Variants in ARHGEF18 observed in about 807,000 individuals in gnomAD.
ARHGEF18 encodes the protein Rho/Rac guanine nucleotide exchange factor 18.
ARHGEF18 carries 93 observed loss-of-function variants against 155.7 expected under a neutral mutation model. The ratio of observed to expected loss-of-function variants is 0.60; its 90% confidence interval spans 0.50 to 0.71. The LOEUF (loss-of-function observed/expected upper bound fraction) is 0.71, where lower values mean the gene tolerates loss of function less well. Among genes scored for constraint, ARHGEF18 ranks in the 30% least tolerant of loss-of-function variants. The pLI is 0.00. For missense variants in ARHGEF18, 1,593 were observed against 1,816.1 expected, an observed-to-expected ratio of 0.88 and a Z score of 2.23; for synonymous variants, 742 against 753.1, an observed-to-expected ratio of 0.99 and a Z score of 0.24.
rs1339245659 is a variant in ARHGEF18, at chr19:7,470,929, G to A, written c.*631G>A. The A allele has an allele frequency of 2.5e-6, 1 of 400,880 alleles. No homozygotes were observed. The highest frequency in any genetic ancestry group is 4.4e-6 in the Non-Finnish European group (1 of 226,128). 24.8% of individuals were successfully genotyped at this position (400,880 alleles called of 1,614,324 possible). On this transcript the variant is annotated 3_prime_UTR_variant, in exon 29 of 29. Transcript: ENST00000668164. This position sits in a 1 kb window ranked among gnomAD's most constrained non-coding sequence, Gnocchi z 5.9. ...AGAGGGCCACGGGGCAGGGCCCACT[G>A]AGGGAACATCAGTGGCCCTCCAGTC...
Position 7,470,853 on chromosome 19 carries a change from C to A in ARHGEF18, c.*555C>A, listed in dbSNP as rs938471084. 6 of 401,252 alleles carry A rather than the reference C, an allele frequency of 1.5e-5. No homozygotes were observed. The highest frequency in any genetic ancestry group is 2.7e-5 in the Non-Finnish European group (6 of 226,266). 24.9% of individuals were successfully genotyped at this position (401,252 alleles called of 1,614,324 possible). A position where few individuals can be genotyped will look rare whatever the true frequency, so the allele number is the denominator to read the frequency against. On this transcript the variant is annotated 3_prime_UTR_variant, in exon 29 of 29. Transcript: ENST00000668164. This position sits in a 1 kb window ranked among gnomAD's most constrained non-coding sequence, Gnocchi z 5.9. ...TCCCAAACAGAGCCCCACGCAGGTT[C>A]ACCATGAACCTCAGGGTCAGGGAAT...
chr19:7,407,961 C>CAAAAAAAAA (rs71179104), intron 10 of ARHGEF18, among the ~76,000 whole-genome samples: 12 of 48,824 alleles, frequency 2.5e-4, no homozygotes, highest in African/African-American at 1.2e-3. Context: ...GACTCCGTCT[C>CAAAAAAAAA]AAAAAAAAAA....
chr19:7,384,268 A>G (rs145904766), intron 10 of ARHGEF18, among the ~76,000 whole-genome samples: 151 of 152,216 alleles, frequency 9.9e-4, no homozygotes, highest in Non-Finnish European at 1.4e-3. Flanking sequence ...GCTGGTAGTA[A>G]CCACCTCCTG....
chr19:7,441,888 A>AGCCACACCTC, intron 12 of ARHGEF18, 24 bp from the exon 13 acceptor site: 1 of 1,613,778 alleles, frequency 6.2e-7, no homozygotes, highest in Non-Finnish European at 8.5e-7. Flanking sequence ...GGCCCCCAGC[A>AGCCACACCTC]GCCACACCTC....
At chr19:7,414,851 C>T (rs922616252) in intron 10 of ARHGEF18, among the ~76,000 whole-genome samples, 40 of 151,184 alleles carry the variant, frequency 2.6e-4, no homozygotes, top group Middle Eastern at 6.8e-3. Context: ...AAAAATTAGC[C>T]GGGTGTGGGG....
chr19:7,460,223 C>T (rs371128001), intron 20 of ARHGEF18, among the ~76,000 whole-genome samples: 1 of 152,070 alleles, frequency 6.6e-6, no homozygotes. Context: ...GGGAGGAGAG[C>T]CCAGAGGACC....
chr19:7,403,846 C>G (rs1268517828), intron 10 of ARHGEF18, among the ~76,000 whole-genome samples: 1 of 152,012 alleles, frequency 6.6e-6, no homozygotes, highest in Non-Finnish European at 1.5e-5. Flanking sequence ...AGGCAGATCA[C>G]CTGAGGTTGG....
chr19:7,405,201 C>T lies in ARHGEF18; in HGVS notation c.967+21998C>T, dbSNP rs181528704. Among the ~76,000 whole-genome samples the T allele has an allele frequency of 3.5e-4, 54 of 152,320 alleles. 1 individual carries two copies. In the East Asian group the frequency reaches 4.2e-3, roughly 12 times the overall value. On this transcript the variant is annotated intron_variant, in intron 10 of 28. Transcript: ENST00000668164. ...CTCAAACTCCTGACCTCAGGCAATC[C>T]GCCCGCCTCAGCCTCCCAAAGTGCT...
rs138797247 is a variant in ARHGEF18 at position 7,387,966 on chromosome 19, A to G, written c.967+4763A>G. ...AGGCATGAGCCACCGTGTCTGGCTC[A>G]AGCTACATTTCTGGTTGGCAGAGTT... On this transcript the variant is annotated intron_variant, in intron 10 of 28. Coordinates refer to ENST00000668164, the MANE Select transcript of ARHGEF18 (RefSeq NM_001367823.1). Among the ~76,000 whole-genome samples the G allele has an allele frequency of 1.6e-4, 24 of 152,034 alleles. 1 individual carries two copies. The highest frequency in any genetic ancestry group is 5.5e-4 in the African/African-American group (23 of 41,526).
intron 10 of ARHGEF18, among the ~76,000 whole-genome samples, chr19:7,386,354 T>A (rs1034194469): frequency 6.6e-6 from 1 of 151,776 alleles, no homozygotes; most frequent in African/African-American, 2.4e-5. Context: ...GGCCGCCCTG[T>A]GCCTGGGAGG....
rs17159584 is a variant in ARHGEF18 at position 7,444,337 on chromosome 19, G to C, written c.1494G>C (p.Leu498=). 2.0e-5 allele frequency: 33 copies of C among 1,613,472 alleles called. No homozygotes were observed. The South Asian group carries it at 3.6e-4, about 18-fold the overall frequency. Residue 498 remains leucine (L), a synonymous_variant, in exon 14 of 29, where the codon CTG becomes CTC. Transcript: ENST00000668164. This position sits in a 1 kb window ranked among gnomAD's most constrained non-coding sequence, Gnocchi z 4.7. ...GCCTCTTCCCATGCGCTGACGACCTGCTGGAGACGCACAGCCACTTCCTCG... is the reference window on the plus strand; with the variant it reads ...GCCTCTTCCCATGCGCTGACGACCTCCTGGAGACGCACAGCCACTTCCTCG... ...IGRLFPCADD[L]LETHSHFLAR...
At chr19:7,448,569 A>G (rs893422317) in intron 15 of ARHGEF18, among the ~76,000 whole-genome samples, 5 of 152,100 alleles carry the variant, frequency 3.3e-5, no homozygotes, top group Non-Finnish European at 5.9e-5. Context: ...GCTGAGGCAG[A>G]AGAATGGTGT....
At position 7,458,701 on chromosome 19, in the gene ARHGEF18, C is replaced by T; in HGVS notation, c.2360+11C>T. On this transcript the variant is annotated intron_variant, in intron 19 of 28. Coordinates refer to ENST00000668164, the MANE Select transcript of ARHGEF18 (RefSeq NM_001367823.1). ...AAGGGCTGTGGAGAGGTGAGGAGGG[C>T]CTGGGGGTCTCCCCACCCACTGTGT... The T allele has an allele frequency of 1.9e-6, 3 of 1,601,398 alleles. No individual in the cohort carries two copies. The highest frequency in any genetic ancestry group is 2.7e-5 in the African/African-American group (2 of 74,716).
chr19:7,448,704 TG>T (rs1296543810), intron 15 of ARHGEF18, among the ~76,000 whole-genome samples: 12 of 151,970 alleles, frequency 7.9e-5, no homozygotes, highest in Admixed American at 3.3e-4. Flanking sequence ...TCCAAACTTT[TG>T]TCCCCTTGCT....
Position 7,471,246 on chromosome 19 carries a change from A to G in ARHGEF18, c.*948A>G, listed in dbSNP as rs1158191249. ...TGTCGAGAGCGCCATGTCCCAGGGC[A>G]TGCAGAGGATGCACCTAGAGACGTT... On this transcript the variant is annotated 3_prime_UTR_variant, in exon 29 of 29. Coordinates refer to ENST00000668164, the MANE Select transcript of ARHGEF18 (RefSeq NM_001367823.1). The surrounding 1 kb of genome is among the most constrained non-coding windows in gnomAD (Gnocchi z 4.4). 1 of 161,730 alleles carries G rather than the reference A, an allele frequency of 6.2e-6. No homozygotes were observed. The highest frequency in any genetic ancestry group is 2.4e-5 in the African/African-American group (1 of 41,840). The allele number at this position is 161,730 out of a possible 1,614,324, so 10.0% of individuals were successfully genotyped here.
At chr19:7,351,727 CAG>C (rs200284573) in intron 1 of ARHGEF18, among the ~76,000 whole-genome samples, 2,662 of 123,716 alleles carry the variant, frequency 0.022, 73 homozygotes, top group African/African-American at 0.074. Flanking sequence ...TTTTCTGAGA[CAG>C]AGTTGCCCAG....
Position 7,362,074 on chromosome 19 carries a change from AAGG to A in ARHGEF18, c.-110-704_-110-702del, listed in dbSNP as rs1247026655. Among the ~76,000 whole-genome samples the A allele has an allele frequency of 1.4e-3, 32 of 23,190 alleles. 3 individuals carry two copies. The East Asian group carries it at 0.02, about 14-fold the overall frequency. 15.2% of individuals were successfully genotyped at this position (23,190 alleles called of 152,430 possible). On this transcript the variant is annotated intron_variant, in intron 1 of 28. Coordinates refer to ENST00000668164, the MANE Select transcript of ARHGEF18 (RefSeq NM_001367823.1). The stretch of plus-strand genomic sequence containing the variant: ...GAAGGAGAAGGAGAAGGAGAAGGAG[AAGG>A]AGAAGGAGAAGGAGAAGGAGAAGGA...
chr19:7,443,003 C>T (rs1410292375), intron 13 of ARHGEF18, among the ~76,000 whole-genome samples: 1 of 152,002 alleles, frequency 6.6e-6, no homozygotes, highest in South Asian at 2.1e-4. Flanking sequence ...AATTGTCCTG[C>T]CTCAGCCTCC....
chr19:7,410,943 G>C (rs572387998), intron 10 of ARHGEF18, among the ~76,000 whole-genome samples: 13 of 151,136 alleles, frequency 8.6e-5, no homozygotes, highest in Admixed American at 2.6e-4. Context: ...GAATAGTTTT[G>C]CTGGGACCTC....
Sources: gnomAD v4.1 joint callset for allele counts (sites outside exome capture counted in the v4.1 genomes callset) on GRCh38, gnomAD v4.1.1 for gene constraint, Gnocchi (gnomAD v3.1) non-coding constraint, MANE v1.5 for transcripts, NCBI Gene and HGNC (gene_info 2026-07-23, HGNC 2026-07-21) for gene names.